TMEM130: variants seen among roughly 807,000 people sequenced by gnomAD.
TMEM130 encodes the protein transmembrane protein 130.
TMEM130 carries 37 observed loss-of-function variants against 42.9 expected under a neutral mutation model. That is an observed-to-expected ratio of 0.86 (90% CI 0.66 to 1.13). The LOEUF is 1.13. TMEM130 is among the 50% of genes most tolerant of loss of function. TMEM130 has a pLI of 0.00. For synonymous variants in TMEM130, 259 were observed against 237.7 expected, an observed-to-expected ratio of 1.09 and a Z score of -0.82; for missense variants, 545 against 562.6, an observed-to-expected ratio of 0.97 and a Z score of 0.32.
chr7:98,848,378 A>G, intron 7 of TMEM130, 170 bp from the exon 8 acceptor site: 1 of 826,986 alleles, frequency 1.2e-6, no homozygotes, highest in Non-Finnish European at 1.9e-6. Flanking sequence ...CAAGAGATGG[A>G]TATAGGAGAT....
chr7:98,851,604 A>T lies in TMEM130; in HGVS notation c.823T>A (p.Trp275Arg). Residue 275 changes from tryptophan to arginine, a missense_variant, in exon 6 of 8, where the codon TGG becomes AGG. Trp to Arg is a moderately radical substitution (Grantham distance 101). Transcript: ENST00000339375. ...GGGAGGCACTCAGGCTTGAGACGCC[A>T]GCACACAGTCAGAGGAGGGCTGCAG... ...FLGSPPLTVC[W>R]RLKPECLPLE... 6.2e-7 allele frequency: 1 copy of T among 1,613,092 alleles called. No homozygotes were observed. The highest frequency in any genetic ancestry group is 8.5e-7 in the Non-Finnish European group (1 of 1,179,420).
intron 6 of TMEM130, among the ~76,000 whole-genome samples, chr7:98,850,273 A>ATATATATATATTTTTTT: frequency 5.4e-4 from 19 of 35,412 alleles, no homozygotes; most frequent in Non-Finnish European, 8.9e-4. Flanking sequence ...ATATATATAT[A>ATATATATATATTTTTTT]TTTTTTTTTT....
At chr7:98,860,492 A>G (rs1438639829) in intron 2 of TMEM130, among the ~76,000 whole-genome samples, 154 bp from the exon 3 acceptor site, 2 of 151,980 alleles carry the variant, frequency 1.3e-5, no homozygotes, top group Admixed American at 1.3e-4. Flanking sequence ...ACCCCCCTAC[A>G]ACTCCCCAAA....
At chr7:98,858,706 G>A (rs1794688329) in intron 3 of TMEM130, among the ~76,000 whole-genome samples, 1 of 151,934 alleles carries the variant, frequency 6.6e-6, no homozygotes, top group Admixed American at 6.6e-5. Flanking sequence ...TTTAAAATTA[G>A]CTGGGTGTAG....
At chr7:98,862,950 CGACTGACCCGGGGAA>C in intron 2 of TMEM130, 130 bp downstream of exon 2, 2 of 888,602 alleles carry the variant, frequency 2.3e-6, no homozygotes, top group South Asian at 3.3e-5. Flanking sequence ...CTTTCTAACT[CGACTGACCCGGGGAA>C]GGAACCTACG....
intron 5 of TMEM130, among the ~76,000 whole-genome samples, chr7:98,853,379 G>A (rs1227207880): frequency 6.6e-6 from 1 of 152,176 alleles, no homozygotes; most frequent in East Asian, 1.9e-4. Flanking sequence ...TGTAATACCA[G>A]CACTTTGGGA....
In TMEM130 at chr7:98,869,711, G is replaced by A. The variant is rs983119213; in HGVS notation, c.85+66C>T. On this transcript the variant is annotated intron_variant, in intron 1 of 7. Transcript: ENST00000339375. This position sits in a 1 kb window ranked among gnomAD's most constrained non-coding sequence, Gnocchi z 4.7. The stretch of plus-strand genomic sequence containing the variant: ...TCCCTGCTCCCGGGCCCACTCGCCC[G>A]CTGAGACGGTTCCAGGCCCCGGGCG... The A allele has an allele frequency of 1.8e-5, 22 of 1,227,828 alleles. No homozygotes were observed. Among genetic ancestry groups the A allele is most frequent in the Non-Finnish European group, 2.3e-5 (22 of 946,154 alleles). The allele number at this position is 1,227,828 out of a possible 1,614,324, so 76.1% of individuals were successfully genotyped here. A position where few individuals can be genotyped will look rare whatever the true frequency, so the allele number is the denominator to read the frequency against.
chr7:98,856,079 G>A lies in TMEM130; in HGVS notation c.656C>T (p.Pro219Leu), dbSNP rs141220827. 1.1e-5 allele frequency: 17 copies of A among 1,613,690 alleles called. No individual in the cohort carries two copies. Among genetic ancestry groups the A allele is most frequent in the African/African-American group, 1.3e-5 (1 of 74,916 alleles). The change falls in exon 4 of 8, where the codon CCG becomes CTG. Residue 219 changes from proline (P) to leucine (L), a missense_variant. Transcript: ENST00000339375. ...KVVAEWEEVE[P>L]DATRAVKQKT... ...CTGCTTCACAGCCCTCGTGGCATCC[G>A]GCTCCACCTCTTCCCACTCCGCCAC... is the stretch of plus-strand genomic sequence containing the variant.
intron 1 of TMEM130, among the ~76,000 whole-genome samples, chr7:98,864,169 C>T (rs1554400289): frequency 6.6e-6 from 1 of 152,050 alleles, no homozygotes; most frequent in African/African-American, 2.4e-5. Flanking sequence ...CTCTTCTGGA[C>T]AGGCCACACA....
chr7:98,865,945 G>T, intron 1 of TMEM130: 1 of 177,808 alleles, frequency 5.6e-6, no homozygotes. Context: ...GTCCCCCCAG[G>T]AACCTGTCAG....
Position 98,869,059 on chromosome 7 carries a change from T to A in TMEM130, c.85+718A>T. On this transcript the variant is annotated intron_variant, in intron 1 of 7. Transcript: ENST00000339375. The surrounding 1 kb of genome is among the most constrained non-coding windows in gnomAD (Gnocchi z 4.7). ...AACCTTCTTAGCTGCCCACGTCCCATCTGTCCCTCGAATAGTCTTAAATCT... is the reference window on the plus strand; with the variant it reads ...AACCTTCTTAGCTGCCCACGTCCCAACTGTCCCTCGAATAGTCTTAAATCT... 1 of 628,856 alleles carries A rather than the reference T, an allele frequency of 1.6e-6. No individual in the cohort carries two copies. Among genetic ancestry groups the A allele is most frequent in the South Asian group, 2.1e-5 (1 of 46,880 alleles). The allele number at this position is 628,856 out of a possible 1,614,324, so 39.0% of individuals were successfully genotyped here.
chr7:98,850,106 G>A (rs1476605357), intron 6 of TMEM130, among the ~76,000 whole-genome samples: 1 of 150,774 alleles, frequency 6.6e-6, no homozygotes, highest in Admixed American at 6.6e-5. Context: ...CTGGAGTGCT[G>A]TGGTGTGATC....
chr7:98,860,299 G>C lies in TMEM130; in HGVS notation c.431C>G (p.Ser144Cys), dbSNP rs1794738792. The C allele has an allele frequency of 6.2e-7, 1 of 1,611,676 alleles. No individual in the cohort carries two copies. The highest frequency in any genetic ancestry group is 1.3e-5 in the African/African-American group (1 of 74,856). ...VGDLVVTQNT[S>C]LPWPSSYLTK... ...GAGATAGGAGCTGGGCCAGGGTAGG[G>C]AAGTGTTCTGGGTGACAACAAGGTC... The change falls in exon 3 of 8, where the codon TCC (serine) becomes TGC (cysteine). Residue 144 changes from serine (S) to cysteine (C), a missense_variant. By Grantham distance (112) the Ser-to-Cys change is moderately radical. Transcript: ENST00000339375.
intron 2 of TMEM130, among the ~76,000 whole-genome samples, chr7:98,862,031 A>AT (rs1794781346): frequency 6.6e-6 from 1 of 152,120 alleles, no homozygotes; most frequent in South Asian, 2.1e-4. Context: ...GGTATAAATG[A>AT]TTTTATTATA....
At position 98,857,828 on chromosome 7, in the gene TMEM130, G is replaced by C. The variant is rs189391747; in HGVS notation, c.552-1645C>G. Among the ~76,000 whole-genome samples, 247 of 147,402 alleles carry C rather than the reference G, an allele frequency of 1.7e-3. 1 individual carries two copies. The highest frequency in any genetic ancestry group is 5.6e-3 in the African/African-American group (222 of 39,874). ...CAACCTCCTCCTACCCGGTTCAAAC[G>C]ATTCTCCTGCCTCAGCCTCCCAAGT... On this transcript the variant is annotated intron_variant, in intron 3 of 7. Transcript: ENST00000339375.
At chr7:98,855,383 C>T in intron 4 of TMEM130, 59 bp from the exon 5 acceptor site, 1 of 1,508,220 alleles carries the variant, frequency 6.6e-7, no homozygotes, top group Non-Finnish European at 9.1e-7. Context: ...TCGAGGCTCC[C>T]AGGGCACAGG....
rs139034435 is a variant in TMEM130, at chr7:98,851,590, A to C, written c.837T>G (p.Pro279=). 10 of 1,613,538 alleles carry C rather than the reference A, an allele frequency of 6.2e-6. No homozygotes were observed. In the African/African-American group the frequency reaches 1.2e-4, roughly 19 times the overall value. ...CCCCTTCCTCCAGCGGGAGGCACTC[A>C]GGCTTGAGACGCCAGCACACAGTCA... ...PPLTVCWRLK[P]ECLPLEEGEC... Residue 279 remains proline, a synonymous_variant, in exon 6 of 8, where the codon CCT becomes CCG. Transcript: ENST00000339375.
chr7:98,868,054 C>T (rs1010797776), intron 1 of TMEM130, among the ~76,000 whole-genome samples: 10 of 152,254 alleles, frequency 6.6e-5, no homozygotes, highest in Middle Eastern at 6.8e-3. Context: ...CATGGCGAAG[C>T]CCTATCTCTA....
chr7:98,848,388 T>C (rs1794411387), intron 7 of TMEM130, 180 bp from the exon 8 acceptor site: 3 of 811,140 alleles, frequency 3.7e-6, no homozygotes, highest in South Asian at 1.8e-5. Context: ...ATATAGGAGA[T>C]AAATCAGATG....
Sources: allele counts gnomAD v4.1 joint callset (sites outside exome capture counted in the v4.1 genomes callset), GRCh38; gene constraint gnomAD v4.1.1; non-coding constraint Gnocchi (gnomAD v3.1); transcripts MANE v1.5; gene names NCBI Gene and HGNC (gene_info 2026-07-23, HGNC 2026-07-21).